Variants in CFAP99 observed in about 807,000 individuals in gnomAD.
CFAP99 encodes cilia- and flagella-associated protein 99.
In CFAP99, 84 loss-of-function variants were observed where a neutral mutation model predicts 82.7. The observed-to-expected ratio is 1.02, with a 90% CI of 0.85 to 1.22. CFAP99 has a LOEUF of 1.22. CFAP99 is among the 50% of genes most tolerant of loss of function. The pLI is 0.00. For synonymous variants in CFAP99, 456 were observed against 429.5 expected, an observed-to-expected ratio of 1.06 and a Z score of -0.76; for missense variants, 1,059 against 983.5, an observed-to-expected ratio of 1.08 and a Z score of -1.03.
rs1437955364 is a variant in CFAP99 at position 2,452,219 on chromosome 4, G to A, written c.1034G>A (p.Arg345Gln). ...CAGAAGAAGATGCAGGCGAAGGACC[G>A]GGAGGAGCAGCTGGCTGCAAGCGAG... is the stretch of plus-strand genomic sequence containing the variant. Residue 345 changes from arginine (R) to glutamine (Q), a missense_variant, in exon 11 of 15, where the codon CGG (arginine) becomes CAG (glutamine). Physicochemically the swap from Arg to Gln is conservative, Grantham distance 43 (BLOSUM62 1). Transcript: ENST00000635017. 2.2e-5 allele frequency: 34 copies of A among 1,536,118 alleles called. No individual in the cohort carries two copies. The highest frequency in any genetic ancestry group is 1.7e-4 in the Middle Eastern group (1 of 5,990).
intron 2 of CFAP99, among the ~76,000 whole-genome samples, chr4:2,435,792 T>C (rs1249265428): frequency 6.6e-6 from 1 of 151,454 alleles, no homozygotes; most frequent in African/African-American, 2.4e-5. Flanking sequence ...GGCATGGTGG[T>C]GTGCATCTGT....
chr4:2,431,503 A>G (rs1733800940), intron 2 of CFAP99, among the ~76,000 whole-genome samples: 1 of 152,170 alleles, frequency 6.6e-6, no homozygotes, highest in Non-Finnish European at 1.5e-5. Flanking sequence ...CTGACTGACC[A>G]CCTGTCCCTT....
intron 4 of CFAP99, among the ~76,000 whole-genome samples, chr4:2,438,674 G>C (rs1488947894): frequency 6.6e-6 from 1 of 152,146 alleles, no homozygotes; most frequent in Non-Finnish European, 1.5e-5. Context: ...GGAGGCTGAA[G>C]CGGGAGGATC....
chr4:2,419,878 C>T (rs1040302899), intron 1 of CFAP99, among the ~76,000 whole-genome samples: 4 of 152,246 alleles, frequency 2.6e-5, no homozygotes, highest in Admixed American at 1.3e-4. Flanking sequence ...CCCTTATCTC[C>T]AATTCCTTCC....
At chr4:2,455,113 T>C (rs1347295531) in intron 11 of CFAP99, among the ~76,000 whole-genome samples, 3 of 152,248 alleles carry the variant, frequency 2.0e-5, no homozygotes, top group Non-Finnish European at 2.9e-5. Context: ...TTGCCCAGGC[T>C]GGTCTCTAAC....
At position 2,448,513 on chromosome 4, in the gene CFAP99, A is replaced by G. The variant is rs530734212; in HGVS notation, c.643-1157A>G. 6.6e-5 allele frequency among the ~76,000 whole-genome samples: 10 copies of G among 152,348 alleles called. No individual in the cohort carries two copies. In the South Asian group the frequency reaches 2.1e-3, roughly 32 times the overall value. ...TTCACTCATTCATTATCTCAGACAA[A>G]GGAGATAAGACGTGTTGGAGCGGTT... On this transcript the variant is annotated intron_variant, in intron 6 of 14. Transcript: ENST00000635017. The surrounding 1 kb of genome is among the most constrained non-coding windows in gnomAD (Gnocchi z 5.2).
intron 1 of CFAP99, among the ~76,000 whole-genome samples, chr4:2,426,047 C>T (rs1251389614): frequency 2.0e-5 from 3 of 152,356 alleles, no homozygotes; most frequent in Non-Finnish European, 1.5e-5. Context: ...AGCTGAGGGA[C>T]GCTCAGAGGC....
At chr4:2,452,014 C>T (rs898586549) in intron 10 of CFAP99, 128 bp from the exon 11 acceptor site, 35 of 916,760 alleles carry the variant, frequency 3.8e-5, no homozygotes, top group Middle Eastern at 2.5e-4. Flanking sequence ...GGGCAGGCCA[C>T]GCAGCTGGGT....
intron 2 of CFAP99, among the ~76,000 whole-genome samples, chr4:2,431,744 A>T (rs900784285): frequency 6.1e-5 from 9 of 148,190 alleles, no homozygotes; most frequent in East Asian, 5.9e-4. Flanking sequence ...TCACTTTATT[A>T]TTTTTTTTTT....
At chr4:2,459,181 C>G (rs961382746) in exon 13 of CFAP99, 5 of 1,535,540 alleles carry the variant, frequency 3.3e-6, no homozygotes, top group African/African-American at 1.4e-5. Context: ...GCAGCGGCGC[C>G]GTTGTGAACT....
intron 1 of CFAP99, among the ~76,000 whole-genome samples, chr4:2,424,181 G>A (rs1048500719): frequency 1.3e-5 from 2 of 152,244 alleles, no homozygotes; most frequent in South Asian, 2.1e-4. Context: ...CACTTTGGGA[G>A]GCTGAGGCAG....
intron 1 of CFAP99, among the ~76,000 whole-genome samples, chr4:2,423,597 G>T (rs1282851176): frequency 1.3e-5 from 2 of 152,224 alleles, no homozygotes; most frequent in East Asian, 1.9e-4. Context: ...TTTCCCGCAG[G>T]ATGGGCTGAG....
At chr4:2,458,945 C>A in intron 12 of CFAP99, 81 bp downstream of exon 12, 1 of 1,473,520 alleles carries the variant, frequency 6.8e-7, no homozygotes, top group Non-Finnish European at 9.0e-7. Flanking sequence ...CCTGAGTGAG[C>A]CACTATGGCT....
intron 2 of CFAP99, among the ~76,000 whole-genome samples, chr4:2,432,688 T>G (rs1560379147): frequency 6.6e-6 from 1 of 152,200 alleles, no homozygotes; most frequent in Non-Finnish European, 1.5e-5. Flanking sequence ...CTAGCGATTG[T>G]GAATGCTGGA....
At chr4:2,428,391 A>G (rs1733728386) in intron 2 of CFAP99, 1 of 151,906 alleles carries the variant, frequency 6.6e-6, no homozygotes, top group African/African-American at 2.4e-5. Flanking sequence ...TCACCCTAAA[A>G]ACATTTTTTT....
intron 1 of CFAP99, among the ~76,000 whole-genome samples, chr4:2,421,136 G>C (rs1345361805): frequency 6.6e-6 from 1 of 152,230 alleles, no homozygotes; most frequent in African/African-American, 2.4e-5. Context: ...ATAGGGGCAT[G>C]ACTTGGTAGC....
rs1216705439 is a variant in CFAP99 at position 2,462,325 on chromosome 4, G to T, written c.1662-118G>T. ...TCGCTGTCTGTCCTAAATCATTCCG[G>T]TGAACCTCTCCGGCTGCGTAGCTCC... On this transcript the variant is annotated intron_variant, in intron 14 of 14. Transcript: ENST00000635017. This position sits in a 1 kb window ranked among gnomAD's most constrained non-coding sequence, Gnocchi z 4.1. The T allele has an allele frequency of 4.8e-6, 5 of 1,049,814 alleles. No homozygotes were observed. In the South Asian group the frequency reaches 6.1e-5, roughly 13 times the overall value. 65.0% of individuals were successfully genotyped at this position (1,049,814 alleles called of 1,614,324 possible). A position where few individuals can be genotyped will look rare whatever the true frequency, so the allele number is the denominator to read the frequency against.
At chr4:2,436,847 G>GC (rs1733923541) in intron 2 of CFAP99, 27 bp from the exon 3 acceptor site, 8 of 1,534,732 alleles carry the variant, frequency 5.2e-6, no homozygotes, top group Non-Finnish European at 7.0e-6. Context: ...CCCAGCCAGG[G>GC]CCCCCCACCG....
At chr4:2,437,090 G>A in intron 3 of CFAP99, 72 bp downstream of exon 3, 2 of 1,509,696 alleles carry the variant, frequency 1.3e-6, no homozygotes, top group Admixed American at 2.0e-5. Flanking sequence ...GAAAGGCCTG[G>A]CAGGCAGGCA....
Sources: gnomAD v4.1 joint callset for allele counts (sites outside exome capture counted in the v4.1 genomes callset) on GRCh38, gnomAD v4.1.1 for gene constraint, Gnocchi (gnomAD v3.1) non-coding constraint, MANE v1.5 for transcripts, NCBI Gene and HGNC (gene_info 2026-07-23, HGNC 2026-07-21) for gene names.